WDR75: variants seen among roughly 807,000 people sequenced by gnomAD.
The protein encoded by WDR75 is WD repeat domain 75, also known as WD repeat-containing protein 75.
In WDR75, 52 loss-of-function variants were observed where a neutral mutation model predicts 106.1. The observed-to-expected ratio is 0.49, with a 90% CI of 0.39 to 0.62. WDR75 has a LOEUF of 0.62. Among genes scored for constraint, WDR75 ranks in the 20% least tolerant of loss-of-function variants. WDR75 has a pLI of 0.00. For missense variants in WDR75, 905 were observed against 970.3 expected, an observed-to-expected ratio of 0.93 and a Z score of 0.89; for synonymous variants, 333 against 335.5, an observed-to-expected ratio of 0.99 and a Z score of 0.08.
At position 189,448,501 on chromosome 2, in the gene WDR75, A is replaced by G; in HGVS notation, c.209A>G (p.His70Arg). Residue 70 changes from histidine to arginine, a missense_variant, in exon 2 of 21, where the codon CAT (histidine) becomes CGT (arginine). His to Arg is a conservative substitution (Grantham distance 29, BLOSUM62 0). Coordinates refer to ENST00000314761, the MANE Select transcript of WDR75 (RefSeq NM_032168.3). The part of the protein sequence containing the change: ...VTGIQLNPNN[H>R]LQLYSCSLDG... ...GGAATCCAGCTTAACCCCAACAACCATCTACAGGTGTCAAACAGTTTATAG... is the reference window on the plus strand; with the variant it reads ...GGAATCCAGCTTAACCCCAACAACCGTCTACAGGTGTCAAACAGTTTATAG... The G allele has an allele frequency of 6.2e-7, 1 of 1,613,870 alleles. No individual in the cohort carries two copies. The highest frequency in any genetic ancestry group is 8.5e-7 in the Non-Finnish European group (1 of 1,179,818).
Position 189,466,576 on chromosome 2 carries a change from A to T in WDR75, c.1441A>T (p.Ile481Leu), listed in dbSNP as rs776989489. The stretch of plus-strand genomic sequence containing the variant: ...ATGGATATTAACAGATGACTCTGAC[A>T]TATACAGTAAGTTATTAAATATGTT... ...KVWILTDDSD[I>L]YKKAVGWTCD... Residue 481 changes from isoleucine to leucine, a missense_variant, in exon 13 of 21, where the codon ATA (isoleucine) becomes TTA (leucine). Ile to Leu is a conservative substitution (Grantham distance 5). Transcript: ENST00000314761. 3 of 1,603,970 alleles carry T rather than the reference A, an allele frequency of 1.9e-6. No homozygotes were observed. In the African/African-American group the frequency reaches 4.0e-5, roughly 22 times the overall value.
chr2:189,448,652 A>G, intron 2 of WDR75, 144 bp downstream of exon 2: 2 of 1,022,604 alleles, frequency 2.0e-6, no homozygotes, highest in Non-Finnish European at 2.9e-6. Flanking sequence ...CCACTTGCTA[A>G]ATTACATTGC....
At chr2:189,448,355 T>TA in intron 1 of WDR75, 24 bp from the exon 2 acceptor site, 1 of 1,606,642 alleles carries the variant, frequency 6.2e-7, no homozygotes, top group Non-Finnish European at 8.5e-7. Flanking sequence ...ATGTAAAACT[T>TA]ACTTTTCTTT....
At chr2:189,470,390 C>T (rs1351339679) in intron 17 of WDR75, 145 bp downstream of exon 17, 8 of 816,906 alleles carry the variant, frequency 9.8e-6, no homozygotes, top group Admixed American at 6.2e-5. Flanking sequence ...ATGCTCAGTA[C>T]AGCAGCATTA....
At chr2:189,446,959 G>A (rs188823815) in intron 1 of WDR75, among the ~76,000 whole-genome samples, 13 of 152,264 alleles carry the variant, frequency 8.5e-5, no homozygotes, top group Admixed American at 5.2e-4. Context: ...CAGTTTCTAC[G>A]TGACTAACGG....
Position 189,446,107 on chromosome 2 carries a change from A to C in WDR75, c.87-2272A>C, listed in dbSNP as rs138312033. On this transcript the variant is annotated intron_variant, in intron 1 of 20. Transcript: ENST00000314761. Reference sequence around the variant, plus strand: ...CATATTGATAGGGTGTGTCTGGGGGATGGGGGAAATTGTTGGAGTTATGAA... The same window carrying C: ...CATATTGATAGGGTGTGTCTGGGGGCTGGGGGAAATTGTTGGAGTTATGAA... Among the ~76,000 whole-genome samples the C allele has an allele frequency of 2.7e-3, 412 of 152,184 alleles. 3 individuals carry two copies. The highest frequency in any genetic ancestry group is 8.3e-3 in the African/African-American group (345 of 41,530).
chr2:189,474,886 A>G, intron 20 of WDR75, 78 bp downstream of exon 20: 1 of 1,132,460 alleles, frequency 8.8e-7, no homozygotes, highest in Non-Finnish European at 1.3e-6. Context: ...TTTTTAGAGT[A>G]TTCTTCCACT....
intron 12 of WDR75, among the ~76,000 whole-genome samples, chr2:189,465,682 A>G (rs1247935927): frequency 6.6e-6 from 1 of 152,168 alleles, no homozygotes; most frequent in Non-Finnish European, 1.5e-5. Context: ...ACCACTTAAC[A>G]GATCTTTGCT....
Position 189,458,695 on chromosome 2 carries a change from A to G in WDR75, c.570-58A>G, listed in dbSNP as rs1298355994. On this transcript the variant is annotated intron_variant, in intron 6 of 20. Coordinates refer to ENST00000314761, the MANE Select transcript of WDR75 (RefSeq NM_032168.3). The stretch of plus-strand genomic sequence containing the variant: ...TGGGAACTCTCTTTTACTTAACTAC[A>G]TCACCACTTATCAAGAGACTTTAAT... The G allele has an allele frequency of 3.6e-6, 5 of 1,407,574 alleles. No homozygotes were observed. The South Asian group carries it at 5.0e-5, about 14-fold the overall frequency. The allele number at this position is 1,407,574 out of a possible 1,614,324, so 87.2% of individuals were successfully genotyped here.
At chr2:189,450,722 C>T (rs981568777) in intron 2 of WDR75, 181 bp from the exon 3 acceptor site, 33 of 1,401,202 alleles carry the variant, frequency 2.4e-5, no homozygotes, top group Non-Finnish European at 2.9e-5. Flanking sequence ...GGATCTGCTT[C>T]TTGCAGAAAG....
Position 189,469,572 on chromosome 2 carries a change from T to C in WDR75, c.1819+133T>C. 7.4e-6 allele frequency: 5 copies of C among 671,314 alleles called. No individual in the cohort carries two copies. In the South Asian group the frequency reaches 8.9e-5, roughly 12 times the overall value. The allele number at this position is 671,314 out of a possible 1,614,324, so 41.6% of individuals were successfully genotyped here. On this transcript the variant is annotated intron_variant, in intron 16 of 20. Coordinates refer to ENST00000314761, the MANE Select transcript of WDR75 (RefSeq NM_032168.3). ...ATTTTGCTTGAGGCACGGCCCTTCT[T>C]TGCCCCAACACTTTGTCATTGTGTG...
intron 8 of WDR75, among the ~76,000 whole-genome samples, chr2:189,460,336 A>G (rs1373660321): frequency 6.6e-6 from 1 of 152,186 alleles, no homozygotes; most frequent in East Asian, 1.9e-4. Context: ...CGGAAGCCCC[A>G]GGAAATAGGA....
chr2:189,446,571 A>G (rs1468935596), intron 1 of WDR75, among the ~76,000 whole-genome samples: 3 of 152,230 alleles, frequency 2.0e-5, no homozygotes, highest in Non-Finnish European at 2.9e-5. Context: ...CAAAGAGATG[A>G]ACAAGTGAAA....
At chr2:189,467,328 C>A (rs1431967350) in intron 13 of WDR75, 140 bp from the exon 14 acceptor site, 3 of 739,884 alleles carry the variant, frequency 4.1e-6, no homozygotes, top group African/African-American at 3.6e-5. Flanking sequence ...CTGTACACAG[C>A]TATTTTCAGA....
Position 189,470,124 on chromosome 2 carries a change from G to GTA in WDR75, c.1870_1871dup (p.Arg626ProfsTer27). On this transcript the variant is annotated frameshift_variant, in exon 17 of 21. Coordinates refer to ENST00000314761, the MANE Select transcript of WDR75 (RefSeq NM_032168.3). LOFTEE classifies it high-confidence loss of function. ...CCAAGGCCATTGTATATTCAAAAGG[G>GTA]TATCTCCAGAGAGAAAGTCCAGTGG... 4.3e-6 allele frequency: 7 copies of GTA among 1,613,374 alleles called. No homozygotes were observed. The highest frequency in any genetic ancestry group is 5.9e-6 in the Non-Finnish European group (7 of 1,179,498).
At chr2:189,444,438 G>T (rs1022459753) in intron 1 of WDR75, among the ~76,000 whole-genome samples, 2 of 152,140 alleles carry the variant, frequency 1.3e-5, no homozygotes, top group African/African-American at 4.8e-5. Context: ...TCTCAGTCCA[G>T]TTCTGTTTGC....
chr2:189,451,069 C>T (rs1686613002), intron 3 of WDR75, 101 bp downstream of exon 3: 1 of 1,348,064 alleles, frequency 7.4e-7, no homozygotes, highest in Non-Finnish European at 9.7e-7. Flanking sequence ...TTTAAATAGA[C>T]TTCCTAAACA....
At chr2:189,461,415 G>C (rs1574197945) in intron 8 of WDR75, among the ~76,000 whole-genome samples, 1 of 152,066 alleles carries the variant, frequency 6.6e-6, no homozygotes, top group South Asian at 2.1e-4. Context: ...ATAGTATTGA[G>C]TATTTTAATT....
chr2:189,470,269 C>T lies in WDR75; in HGVS notation c.1989+24C>T, dbSNP rs372031468. On this transcript the variant is annotated intron_variant, in intron 17 of 20. Transcript: ENST00000314761. ...AGGTAACTGCCTCCCTCAAAAAAGG[C>T]GATCACTTTGTACATGGAATTTTAG... 1.2e-5 allele frequency: 20 copies of T among 1,602,836 alleles called. No homozygotes were observed. The East Asian group carries it at 2.0e-4, about 16-fold the overall frequency.
Sources: allele counts gnomAD v4.1 joint callset (sites outside exome capture counted in the v4.1 genomes callset), GRCh38; gene constraint gnomAD v4.1.1; transcripts MANE v1.5; gene names NCBI Gene and HGNC (gene_info 2026-07-23, HGNC 2026-07-21).